LRMDA: variants seen among roughly 807,000 people sequenced by gnomAD.
LRMDA encodes the protein leucine rich melanocyte differentiation associated.
LRMDA carries 18 observed loss-of-function variants against 29.8 expected under a neutral mutation model. The observed-to-expected ratio is 0.60, with a 90% confidence interval of 0.42 to 0.90. The LOEUF (loss-of-function observed/expected upper bound fraction) is 0.90, where lower values mean the gene tolerates loss of function less well. Among genes scored for constraint, LRMDA ranks in the 40% least tolerant of loss-of-function variants. The pLI is 0.00. For missense variants in LRMDA, 273 were observed against 273.9 expected (o/e 1.00, Z 0.02); for synonymous variants, 125 against 109.4 (o/e 1.14, Z -0.89).
In LRMDA at chr10:75,438,322, A is replaced by C. The variant is rs79203993; in HGVS notation, c.31-72A>C. ...AAGTTGCAGAAGCAATCATTGGATCAGTAATTTCAGGGTTGGGAGCAGCTG... is the reference window on the plus strand; with the variant it reads ...AAGTTGCAGAAGCAATCATTGGATCCGTAATTTCAGGGTTGGGAGCAGCTG... On this transcript the variant is annotated intron_variant, in intron 1 of 6. Coordinates refer to ENST00000611255, the MANE Select transcript of LRMDA (RefSeq NM_001305581.2). The C allele has an allele frequency of 6.4e-4, 735 of 1,147,498 alleles. 4 individuals carry two copies. The African/African-American group carries it at 0.01, about 16-fold the overall frequency. The allele number at this position is 1,147,498 out of a possible 1,614,324, so 71.1% of individuals were successfully genotyped here.
At chr10:76,034,480 G>T (rs545746085) in intron 2 of LRMDA, among the ~76,000 whole-genome samples, 10 of 152,178 alleles carry the variant, frequency 6.6e-5, no homozygotes, top group Non-Finnish European at 1.5e-4. Context: ...TCTGGGAGTC[G>T]AGTCCTGAGT....
chr10:76,382,245 A>G (rs536003510), intron 6 of LRMDA, among the ~76,000 whole-genome samples: 1 of 152,324 alleles, frequency 6.6e-6, no homozygotes, highest in South Asian at 2.1e-4. Flanking sequence ...TTTGGCCTTG[A>G]CATACTTTTA....
intron 5 of LRMDA, among the ~76,000 whole-genome samples, chr10:76,275,017 C>A (rs1282920788): frequency 6.6e-6 from 1 of 152,162 alleles, no homozygotes; most frequent in Non-Finnish European, 1.5e-5. Context: ...GCTCTCCACT[C>A]CTGAATTCTT....
chr10:75,745,170 T>A (rs141200593), intron 2 of LRMDA, among the ~76,000 whole-genome samples: 1 of 152,326 alleles, frequency 6.6e-6, no homozygotes, highest in Non-Finnish European at 1.5e-5. Flanking sequence ...GTGAAAAAGG[T>A]CAAATATTGT....
rs115678441 is a variant in LRMDA, at chr10:75,630,304, C to T, written c.131+191810C>T. On this transcript the variant is annotated intron_variant, in intron 2 of 6. Transcript: ENST00000611255. ...GGTGTGATTGCAGAAAGCAGGAAGA[C>T]CATCCCCCGCTTCCCTCTCCACTCT... 1.0e-2 allele frequency among the ~76,000 whole-genome samples: 1,516 copies of T among 152,314 alleles called. 28 individuals are homozygous for T. The highest frequency in any genetic ancestry group is 0.034 in the African/African-American group (1,404 of 41,548).
intron 5 of LRMDA, among the ~76,000 whole-genome samples, chr10:76,237,940 G>A (rs1423170347): frequency 6.6e-6 from 1 of 151,900 alleles, no homozygotes; most frequent in Non-Finnish European, 1.5e-5. Flanking sequence ...ACAAGCACGT[G>A]CCACCACGCC....
At chr10:75,575,711 C>T (rs1345019936) in intron 2 of LRMDA, among the ~76,000 whole-genome samples, 1 of 152,084 alleles carries the variant, frequency 6.6e-6, no homozygotes, top group African/African-American at 2.4e-5. Context: ...TGGGTGCAGC[C>T]CAAGGAGGGT....
At chr10:75,997,576 A>G (rs1013358301) in intron 2 of LRMDA, among the ~76,000 whole-genome samples, 4 of 152,114 alleles carry the variant, frequency 2.6e-5, no homozygotes, top group African/African-American at 9.7e-5. Flanking sequence ...ACTATTATGT[A>G]AAGTGATAGA....
At chr10:75,628,747 G>T (rs1841283073) in intron 2 of LRMDA, among the ~76,000 whole-genome samples, 1 of 152,160 alleles carries the variant, frequency 6.6e-6, no homozygotes, top group Non-Finnish European at 1.5e-5. Context: ...GGCACCACCA[G>T]ACCTCCAGCA....
At chr10:75,784,137 A>C (rs533024049) in intron 2 of LRMDA, among the ~76,000 whole-genome samples, 1 of 152,288 alleles carries the variant, frequency 6.6e-6, no homozygotes, top group South Asian at 2.1e-4. Flanking sequence ...AATGCAATAT[A>C]GTGTTGGGAT....
At chr10:75,640,544 A>G (rs538189180) in intron 2 of LRMDA, among the ~76,000 whole-genome samples, 1 of 152,350 alleles carries the variant, frequency 6.6e-6, no homozygotes, top group East Asian at 1.9e-4. Flanking sequence ...CAATGATTTT[A>G]TATATCACGT....
chr10:75,617,245 C>A (rs1841115466), intron 2 of LRMDA, among the ~76,000 whole-genome samples: 2 of 152,108 alleles, frequency 1.3e-5, no homozygotes, highest in Admixed American at 6.6e-5. Context: ...GAATGAGAAG[C>A]CCAGGGAGGC....
At chr10:75,675,998 T>C (rs981996976) in intron 2 of LRMDA, among the ~76,000 whole-genome samples, 5 of 152,200 alleles carry the variant, frequency 3.3e-5, no homozygotes, top group African/African-American at 1.2e-4. Context: ...TTTAAGATCT[T>C]CTGGGTGTTC....
chr10:76,175,052 G>A lies in LRMDA; in HGVS notation c.516+116269G>A, dbSNP rs377256755. On this transcript the variant is annotated intron_variant, in intron 5 of 6. Coordinates refer to ENST00000611255, the MANE Select transcript of LRMDA (RefSeq NM_001305581.2). Reference sequence around the variant, plus strand: ...AGGAGAATCGCTTCAACCTGGGGAGGCAGAGATTGCAGTGAGCCAAGATCG... The same window carrying A: ...AGGAGAATCGCTTCAACCTGGGGAGACAGAGATTGCAGTGAGCCAAGATCG... 3.3e-5 allele frequency among the ~76,000 whole-genome samples: 5 copies of A among 152,278 alleles called. 1 individual carries two copies. The highest frequency in any genetic ancestry group is 1.9e-4 in the East Asian group (1 of 5,172).
At chr10:76,059,129 G>A (rs193171434) in intron 5 of LRMDA, among the ~76,000 whole-genome samples, 2 of 152,216 alleles carry the variant, frequency 1.3e-5, no homozygotes, top group African/African-American at 4.8e-5. Flanking sequence ...TTGGGGTAGG[G>A]GGGATTCTTC....
intron 3 of LRMDA, among the ~76,000 whole-genome samples, chr10:76,039,579 C>A (rs1034365426): frequency 5.3e-5 from 8 of 152,220 alleles, no homozygotes; most frequent in Non-Finnish European, 7.3e-5. Context: ...ACCCTGGACA[C>A]TTGGGTCATT....
At chr10:75,562,898 T>C (rs1241341389) in intron 2 of LRMDA, among the ~76,000 whole-genome samples, 5 of 152,184 alleles carry the variant, frequency 3.3e-5, no homozygotes, top group Non-Finnish European at 2.9e-5. Flanking sequence ...CTGAGAGATC[T>C]GCTGTTAGTC....
intron 2 of LRMDA, among the ~76,000 whole-genome samples, chr10:75,759,964 A>G (rs919485327): frequency 6.6e-6 from 1 of 152,218 alleles, no homozygotes; most frequent in South Asian, 2.1e-4. Context: ...CAGTTTTTAC[A>G]AGTTATACTC....
intron 2 of LRMDA, among the ~76,000 whole-genome samples, chr10:75,665,903 C>T (rs75334122): frequency 1.2e-3 from 181 of 152,246 alleles, no homozygotes; most frequent in African/African-American, 4.3e-3. Flanking sequence ...CCTGTGGATA[C>T]CAGCTTTATA....
Sources: gnomAD v4.1 joint callset for allele counts (sites outside exome capture counted in the v4.1 genomes callset) on GRCh38, gnomAD v4.1.1 for gene constraint, MANE v1.5 for transcripts, NCBI Gene and HGNC (gene_info 2026-07-23, HGNC 2026-07-21) for gene names.